The following SV2C variants were observed in gnomAD, a reference collection of about 807,000 sequenced individuals.
SV2C encodes the protein solute carrier family 22 member B3.
In SV2C, 49 loss-of-function variants were observed where a neutral mutation model predicts 79.7. The observed-to-expected ratio is 0.61, with a 90% CI of 0.49 to 0.78. SV2C has a LOEUF of 0.78. SV2C is among the 30% of genes least tolerant of loss of function. SV2C has a pLI of 0.00. For synonymous variants in SV2C, 334 were observed against 333.2 expected (o/e 1.00, Z -0.03); for missense variants, 833 against 912.9 (o/e 0.91, Z 1.13).
the SV2C span, among the ~76,000 whole-genome samples, chr5:75,972,164 C>A: frequency 6.6e-6 from 1 of 152,216 alleles, no homozygotes; most frequent in East Asian, 1.9e-4. Flanking sequence ...ACACCTTATA[C>A]ATAAATTAAT....
Position 76,327,950 on chromosome 5 carries a change from A to G in SV2C, c.*2403A>G, listed in dbSNP as rs6892721. On this transcript the variant is annotated 3_prime_UTR_variant, in exon 13 of 13. Transcript: ENST00000502798. ...TCTTGGCCTACTTGTTACCTAATCC[A>G]AGCATCCTTGGTGGCCTAAGAGGGA... The G allele has an allele frequency of 0.74, 112,348 of 152,086 alleles. 41,896 individuals carry two copies. Among genetic ancestry groups the G allele is most frequent in the African/African-American group, 0.83 (34,581 of 41,482 alleles). 9.4% of individuals were successfully genotyped at this position (152,086 alleles called of 1,614,324 possible).
chr5:76,200,073 A>G (rs1344180858), intron 3 of SV2C, among the ~76,000 whole-genome samples: 1 of 152,244 alleles, frequency 6.6e-6, no homozygotes, highest in Non-Finnish European at 1.5e-5. Context: ...TAATTCCAGG[A>G]GACACAAAAT....
chr5:75,972,089 T>A, the SV2C span, among the ~76,000 whole-genome samples: 1 of 152,130 alleles, frequency 6.6e-6, no homozygotes, highest in Non-Finnish European at 1.5e-5. Context: ...GATTCCCTCT[T>A]TAATAAATGG....
the SV2C span, among the ~76,000 whole-genome samples, chr5:76,027,020 A>G: frequency 6.6e-6 from 1 of 151,450 alleles, no homozygotes; most frequent in East Asian, 1.9e-4. Flanking sequence ...CAATTTGGGT[A>G]AACTTTATTT....
the SV2C span, among the ~76,000 whole-genome samples, chr5:75,929,233 G>A: frequency 2.0e-5 from 3 of 151,698 alleles, no homozygotes; most frequent in African/African-American, 4.8e-5. Flanking sequence ...CAACCACCTC[G>A]CTCTGAGTCT....
At chr5:76,121,814 C>T (rs1044356991) in intron 1 of SV2C, among the ~76,000 whole-genome samples, 3 of 151,858 alleles carry the variant, frequency 2.0e-5, no homozygotes, top group South Asian at 2.1e-4. Context: ...ATGCCTCCAG[C>T]TTTGTTCTTT....
chr5:76,089,959 T>G (rs999426870), intron 1 of SV2C, among the ~76,000 whole-genome samples: 1 of 152,248 alleles, frequency 6.6e-6, no homozygotes, highest in African/African-American at 2.4e-5. Flanking sequence ...TTAAAAGGTA[T>G]CTTTTCTTTT....
chr5:75,954,064 T>C, the SV2C span, among the ~76,000 whole-genome samples: 2 of 151,992 alleles, frequency 1.3e-5, no homozygotes, highest in African/African-American at 4.8e-5. Context: ...TACTGCCAGG[T>C]GTAATTGAGA....
the SV2C span, among the ~76,000 whole-genome samples, chr5:76,035,932 G>T: frequency 6.6e-6 from 1 of 152,074 alleles, no homozygotes; most frequent in Non-Finnish European, 1.5e-5. Context: ...GGGTGCTCCT[G>T]TATTGGGTGC....
the SV2C span, among the ~76,000 whole-genome samples, chr5:75,939,328 G>C: frequency 6.6e-6 from 1 of 151,982 alleles, no homozygotes; most frequent in East Asian, 1.9e-4. Context: ...GGAGTGTAGA[G>C]GGCCACTTTC....
rs1746513134 is a variant in SV2C, at chr5:76,262,664, A to G, written c.914-22498A>G. 2.0e-5 allele frequency among the ~76,000 whole-genome samples: 3 copies of G among 152,214 alleles called. No homozygotes were observed. The South Asian group carries it at 6.2e-4, about 32-fold the overall frequency. ...CTCATTGGTTTCAAAGAACTTTATT[A>G]TTTCTGCCTTAATTTCATTATTTAC... On this transcript the variant is annotated intron_variant, in intron 4 of 12. Transcript: ENST00000502798.
intron 9 of SV2C, among the ~76,000 whole-genome samples, chr5:76,296,975 C>T (rs1441918331): frequency 6.6e-6 from 1 of 152,034 alleles, no homozygotes; most frequent in Non-Finnish European, 1.5e-5. Flanking sequence ...AACTGACTTT[C>T]AAAAGTATTG....
chr5:76,077,359 A>G, the SV2C span, among the ~76,000 whole-genome samples: 1 of 152,236 alleles, frequency 6.6e-6, no homozygotes. Context: ...AAGGGAAAAG[A>G]AAGGAAGGAT....
upstream of SV2C, chr5:76,079,113 G>A: frequency 2.8e-6 from 1 of 357,880 alleles, no homozygotes; most frequent in Non-Finnish European, 5.6e-6. Context: ...CACCTTATTG[G>A]AACATTACAA....
At chr5:76,168,536 G>A (rs963856537) in intron 2 of SV2C, among the ~76,000 whole-genome samples, 33 of 152,280 alleles carry the variant, frequency 2.2e-4, no homozygotes, top group African/African-American at 7.5e-4. Flanking sequence ...TCGTGAAGGA[G>A]GTATGGTGAT....
the SV2C span, among the ~76,000 whole-genome samples, chr5:75,962,297 A>C: frequency 3.9e-3 from 597 of 152,234 alleles, 3 homozygotes; most frequent in African/African-American, 0.014. Context: ...ACCCAGGGTA[A>C]GGACATGTGT....
the SV2C span, among the ~76,000 whole-genome samples, chr5:75,993,394 C>T: frequency 9.2e-5 from 14 of 151,808 alleles, no homozygotes; most frequent in Non-Finnish European, 1.9e-4. Flanking sequence ...CTCAAGGGAG[C>T]GGGGAGGCAA....
In SV2C at chr5:76,173,990, G is replaced by A. The variant is rs1440822965; in HGVS notation, c.581-20929G>A. 3.8e-6 allele frequency: 6 copies of A among 1,560,140 alleles called. No homozygotes were observed. The Admixed American group carries it at 1.0e-4, about 26-fold the overall frequency. On this transcript the variant is annotated intron_variant, in intron 2 of 12. Coordinates refer to ENST00000502798, the MANE Select transcript of SV2C (RefSeq NM_014979.4). ...TTTCATGTATAAATCCCTCATTGCT[G>A]TAAATTGCTCCGTTCCTGCAGTATC...
chr5:76,196,695 G>T (rs2112331056), intron 3 of SV2C, among the ~76,000 whole-genome samples: 1 of 152,334 alleles, frequency 6.6e-6, no homozygotes, highest in East Asian at 1.9e-4. Flanking sequence ...CCTGTCAACA[G>T]AAGGCTAACA....
Sources: allele counts gnomAD v4.1 joint callset (sites outside exome capture counted in the v4.1 genomes callset), GRCh38; gene constraint gnomAD v4.1.1; transcripts MANE v1.5; gene names NCBI Gene and HGNC (gene_info 2026-07-23, HGNC 2026-07-21).